Variants in MKLN1 observed in about 807,000 individuals in gnomAD.
MKLN1 encodes muskelin.
Under a neutral mutation model 99.0 loss-of-function variants are expected in MKLN1, and 18 were observed. The observed-to-expected ratio is 0.18, with a 90% CI of 0.13 to 0.27. The LOEUF is 0.27. Among genes scored for constraint, MKLN1 ranks in the 10% least tolerant of loss-of-function variants. The probability of loss-of-function intolerance (pLI) is 1.00; values close to 1 mark genes in which losing one functional copy is unlikely to be tolerated. For missense variants in MKLN1, 621 were observed against 875.9 expected (o/e 0.71, Z 3.67); for synonymous variants, 288 against 293.2 (o/e 0.98, Z 0.18).
intron 3 of MKLN1, among the ~76,000 whole-genome samples, chr7:131,317,634 C>T (rs761361532): frequency 5.9e-5 from 9 of 151,858 alleles, no homozygotes; most frequent in South Asian, 2.1e-4. Context: ...ATAGGCTGAA[C>T]GCCCTAATTA....
chr7:131,129,198 C>T (rs1795512134), intron 1 of MKLN1, among the ~76,000 whole-genome samples: 1 of 152,096 alleles, frequency 6.6e-6, no homozygotes, highest in Non-Finnish European at 1.5e-5. Flanking sequence ...ATTGTAAGAA[C>T]TTTAAAATGA....
intron 1 of MKLN1, among the ~76,000 whole-genome samples, chr7:131,351,415 A>G (rs1799716315): frequency 6.6e-6 from 1 of 152,092 alleles, no homozygotes; most frequent in Non-Finnish European, 1.5e-5. Context: ...TCTATTTGTC[A>G]TGCTTTATAT....
At chr7:131,335,465 A>G (rs986918535) in intron 1 of MKLN1, among the ~76,000 whole-genome samples, 2 of 152,224 alleles carry the variant, frequency 1.3e-5, no homozygotes. Flanking sequence ...TGTCCCTAAA[A>G]AAGTTGTTGA....
chr7:131,230,828 A>G lies in MKLN1; in HGVS notation c.-179+27854A>G, dbSNP rs551931304. Among the ~76,000 whole-genome samples the G allele has an allele frequency of 9.9e-5, 15 of 152,054 alleles. 1 individual carries two copies. Among genetic ancestry groups the G allele is most frequent in the Admixed American group, 8.5e-4 (13 of 15,266 alleles). ...CCGGGACATCATGGCTTCTGTTTAT[A>G]TGTCTCTTTTGGCCGGGCACAGTGG... On this transcript the variant is annotated intron_variant, in intron 3 of 7. Transcript: ENST00000416992.
chr7:131,342,542 A>G (rs1022162601), intron 1 of MKLN1, among the ~76,000 whole-genome samples: 1 of 152,198 alleles, frequency 6.6e-6, no homozygotes, highest in Non-Finnish European at 1.5e-5. Context: ...AAGCAGTGAA[A>G]CTTGTTTATG....
chr7:131,110,487 G>C (rs1795176318), intron 1 of MKLN1, among the ~76,000 whole-genome samples: 1 of 152,158 alleles, frequency 6.6e-6, no homozygotes, highest in Non-Finnish European at 1.5e-5. Flanking sequence ...AGAAGTATCA[G>C]CCCATCGGCC....
chr7:131,115,944 A>G (rs909995815), intron 1 of MKLN1, among the ~76,000 whole-genome samples: 2 of 152,140 alleles, frequency 1.3e-5, no homozygotes, highest in African/African-American at 4.8e-5. Flanking sequence ...TTTTTATCAC[A>G]TACGGTTGAA....
chr7:131,187,809 A>T (rs1396039911), intron 2 of MKLN1, among the ~76,000 whole-genome samples: 2 of 152,160 alleles, frequency 1.3e-5, no homozygotes, highest in Non-Finnish European at 2.9e-5. Flanking sequence ...CAAAAAAACT[A>T]GCCAGGCATG....
rs1318423809 is a variant in MKLN1, at chr7:131,308,661, C to A, written c.-178-66763C>A. Among the ~76,000 whole-genome samples the A allele has an allele frequency of 2.0e-5, 3 of 152,110 alleles. No homozygotes were observed. In the East Asian group the frequency reaches 5.8e-4, roughly 29 times the overall value. ...AGTGCAATGGCATGATCTCAGCTCA[C>A]CGCAACGTCCATCTCCCAGGTTCAA... On this transcript the variant is annotated intron_variant, in intron 3 of 7. Transcript: ENST00000416992.
chr7:131,481,075 C>A (rs1288185746), intron 17 of MKLN1, among the ~76,000 whole-genome samples: 1 of 152,052 alleles, frequency 6.6e-6, no homozygotes, highest in African/African-American at 2.4e-5. Context: ...ATACTGAGAA[C>A]AATACAAACA....
intron 8 of MKLN1, among the ~76,000 whole-genome samples, chr7:131,425,856 A>T (rs1434651300): frequency 2.0e-5 from 3 of 152,136 alleles, no homozygotes; most frequent in Non-Finnish European, 4.4e-5. Flanking sequence ...AATTATATCC[A>T]TAATTTTTAA....
At chr7:131,134,144 T>G (rs1795611981) in intron 1 of MKLN1, among the ~76,000 whole-genome samples, 1 of 152,096 alleles carries the variant, frequency 6.6e-6, no homozygotes. Context: ...GACTTCTAAT[T>G]CTCTAGAAAC....
At chr7:131,165,465 G>A (rs1796110165) in intron 2 of MKLN1, among the ~76,000 whole-genome samples, 3 of 152,184 alleles carry the variant, frequency 2.0e-5, no homozygotes, top group Admixed American at 6.5e-5. Context: ...GATTACAGGC[G>A]TGAGCCACCA....
In MKLN1 at chr7:131,165,753, G is replaced by A. The variant is rs199606583; in HGVS notation, c.-297+22812G>A. ...CACGAGTGATCAGCTTTGCTAGGAA[G>A]ATTGTTCTAGCGGCACCGGGTGGTA... On this transcript the variant is annotated intron_variant, in intron 2 of 7. Coordinates refer to the MKLN1 transcript ENST00000416992. Among the ~76,000 whole-genome samples, 48 of 152,310 alleles carry A rather than the reference G, an allele frequency of 3.2e-4. No individual in the cohort carries two copies. The East Asian group carries it at 7.7e-3, about 24-fold the overall frequency.
chr7:131,307,446 T>C (rs1237831321), intron 3 of MKLN1, among the ~76,000 whole-genome samples: 1 of 151,998 alleles, frequency 6.6e-6, no homozygotes, highest in African/African-American at 2.4e-5. Context: ...GAGGTTGTAC[T>C]GTGCACCTGG....
At chr7:131,120,548 C>CAAAAAAAAAAAAAAAAAAA (rs55945614) in intron 1 of MKLN1, among the ~76,000 whole-genome samples, 1 of 98,130 alleles carries the variant, frequency 1.0e-5, no homozygotes, top group Admixed American at 1.3e-4. Flanking sequence ...GACTCCCTCT[C>CAAAAAAAAAAAAAAAAAAA]AAAAAAAAAA....
At chr7:131,167,052 C>A (rs1796136495) in intron 2 of MKLN1, among the ~76,000 whole-genome samples, 1 of 152,086 alleles carries the variant, frequency 6.6e-6, no homozygotes, top group African/African-American at 2.4e-5. Context: ...CAACACTTCC[C>A]CCGCCACATC....
intron 7 of MKLN1, among the ~76,000 whole-genome samples, chr7:131,412,375 A>G (rs3800678): frequency 0.069 from 10,540 of 152,264 alleles, 436 homozygotes; most frequent in East Asian, 0.19. Flanking sequence ...AGCAAGGCAT[A>G]TAAGAAAAAT....
chr7:131,249,857 A>T (rs1639535447), intron 3 of MKLN1, among the ~76,000 whole-genome samples: 1 of 152,142 alleles, frequency 6.6e-6, no homozygotes, highest in African/African-American at 2.4e-5. Flanking sequence ...GGCTCAGATT[A>T]TAAGTGTCCT....
Sources: gnomAD v4.1 joint callset for allele counts (sites outside exome capture counted in the v4.1 genomes callset) on GRCh38, gnomAD v4.1.1 for gene constraint, MANE v1.5 for transcripts, NCBI Gene and HGNC (gene_info 2026-07-23, HGNC 2026-07-21) for gene names.